The following GLRA3 variants were observed in gnomAD, a reference collection of about 807,000 sequenced individuals.
GLRA3 encodes the protein glycine receptor alpha 3.
In GLRA3, 44 loss-of-function variants were observed where a neutral mutation model predicts 60.4. The observed-to-expected ratio is 0.73, with a 90% CI of 0.57 to 0.94. GLRA3 has a LOEUF of 0.94. Ranked by LOEUF, GLRA3 falls within the 40% of genes least tolerant of loss-of-function variation. The pLI is 0.00. For synonymous variants in GLRA3, 223 were observed against 192.9 expected (o/e 1.16, Z -1.29); for missense variants, 508 against 564.6 (o/e 0.90, Z 1.02).
intron 5 of GLRA3, among the ~76,000 whole-genome samples, chr4:174,684,610 G>A (rs1361805284): frequency 6.6e-6 from 1 of 152,210 alleles, no homozygotes; most frequent in Non-Finnish European, 1.5e-5. Context: ...GACCTGTGAG[G>A]CAGAATTGTT....
intron 1 of GLRA3, among the ~76,000 whole-genome samples, chr4:174,814,827 T>G (rs1385700702): frequency 6.6e-6 from 1 of 152,192 alleles, no homozygotes; most frequent in African/African-American, 2.4e-5. Flanking sequence ...AGATGTGATT[T>G]GGGTGGGGAC....
chr4:174,649,862 T>A (rs1189759275), intron 9 of GLRA3, among the ~76,000 whole-genome samples: 4 of 152,128 alleles, frequency 2.6e-5, no homozygotes, highest in African/African-American at 9.7e-5. Context: ...ACACAGCATG[T>A]CTTCATGTGA....
Position 174,643,920 on chromosome 4 carries a change from A to T in GLRA3, c.1261T>A (p.Phe421Ile), listed in dbSNP as rs758247302. Reference protein sequence around the residue: ...PKSPDEMRKVFIDRAKKIDTI... With the variant: ...PKSPDEMRKVIIDRAKKIDTI... Reference sequence around the variant, plus strand: ...TCAATCTTCTTGGCCCGGTCGATAAAGACCTTCCTCATTTCATCAGGACTT... The same window carrying T: ...TCAATCTTCTTGGCCCGGTCGATAATGACCTTCCTCATTTCATCAGGACTT... The change falls in exon 10 of 10, where the codon TTT becomes ATT. Residue 421 changes from phenylalanine (F) to isoleucine (I), a missense_variant. Physicochemically the swap from Phe to Ile is conservative, Grantham distance 21. This residue lies in a region of GLRA3 where 176 missense variants were observed against 197.9 expected (regional missense o/e 0.89). Transcript: ENST00000274093. The T allele has an allele frequency of 6.2e-7, 1 of 1,614,136 alleles. No homozygotes were observed.
At chr4:174,720,941 G>A (rs1029018610) in intron 4 of GLRA3, among the ~76,000 whole-genome samples, 2 of 152,138 alleles carry the variant, frequency 1.3e-5, no homozygotes, top group Non-Finnish European at 2.9e-5. Flanking sequence ...AGCCAGAACT[G>A]GGTGTAAGGA....
chr4:174,760,750 C>T (rs947622451), intron 3 of GLRA3, among the ~76,000 whole-genome samples: 3 of 152,174 alleles, frequency 2.0e-5, no homozygotes, highest in Non-Finnish European at 2.9e-5. Flanking sequence ...GAACTCCTGA[C>T]CTCAGGTGAT....
chr4:174,786,289 T>C lies in GLRA3; in HGVS notation c.199+2527A>G, dbSNP rs74429641. Among the ~76,000 whole-genome samples, 139 of 152,208 alleles carry C rather than the reference T, an allele frequency of 9.1e-4. 2 individuals are homozygous for C. The East Asian group carries it at 0.024, about 26-fold the overall frequency. The stretch of plus-strand genomic sequence containing the variant: ...ACAAAATCAACAAGGCAAGGGATTG[T>C]ATTTTTAGTCATGTGAACTACCACA... On this transcript the variant is annotated intron_variant, in intron 2 of 9. Transcript: ENST00000274093.
chr4:174,813,320 T>C (rs1456778538), intron 1 of GLRA3, among the ~76,000 whole-genome samples: 1 of 152,234 alleles, frequency 6.6e-6, no homozygotes, highest in Non-Finnish European at 1.5e-5. Flanking sequence ...AATTAGGTGA[T>C]GTGGGTCCTA....
intron 3 of GLRA3, among the ~76,000 whole-genome samples, chr4:174,741,422 G>A (rs965922893): frequency 3.3e-5 from 5 of 152,078 alleles, no homozygotes; most frequent in Non-Finnish European, 7.4e-5. Context: ...CTCATTAAAA[G>A]TATTGTTTTT....
At chr4:174,739,681 T>A (rs747342109) in intron 3 of GLRA3, among the ~76,000 whole-genome samples, 1 of 152,136 alleles carries the variant, frequency 6.6e-6, no homozygotes, top group Non-Finnish European at 1.5e-5. Context: ...CAGGGACAGT[T>A]CAAAATGCAA....
At chr4:174,651,644 C>T (rs1300454131) in intron 9 of GLRA3, among the ~76,000 whole-genome samples, 10 of 152,062 alleles carry the variant, frequency 6.6e-5, no homozygotes, top group Admixed American at 6.6e-4. Context: ...TCCAGGTGGC[C>T]TTGCATTTGA....
At chr4:174,727,189 GA>G (rs1188646584) in intron 4 of GLRA3, among the ~76,000 whole-genome samples, 1 of 152,176 alleles carries the variant, frequency 6.6e-6, no homozygotes, top group Non-Finnish European at 1.5e-5. Flanking sequence ...ATGCAGAGAT[GA>G]AGAGCAGACA....
intron 1 of GLRA3, among the ~76,000 whole-genome samples, chr4:174,825,221 T>C (rs530170347): frequency 1.3e-5 from 2 of 152,220 alleles, no homozygotes; most frequent in South Asian, 4.1e-4. Context: ...TAAATCATAA[T>C]AATAGTAAAA....
At chr4:174,802,256 A>ATT (rs939287653) in intron 1 of GLRA3, among the ~76,000 whole-genome samples, 1 of 151,954 alleles carries the variant, frequency 6.6e-6, no homozygotes, top group African/African-American at 2.4e-5. Flanking sequence ...TGATGTTTAC[A>ATT]TTTTTTTGAA....
At chr4:174,799,903 T>A (rs1478060469) in intron 1 of GLRA3, among the ~76,000 whole-genome samples, 1 of 152,012 alleles carries the variant, frequency 6.6e-6, no homozygotes, top group Non-Finnish European at 1.5e-5. Flanking sequence ...TCAAGACAAA[T>A]GTGAAATAGA....
At chr4:174,658,972 C>G (rs954186944) in intron 8 of GLRA3, 82 bp downstream of exon 8, 2 of 1,242,792 alleles carry the variant, frequency 1.6e-6, no homozygotes, top group Admixed American at 4.2e-5. Flanking sequence ...AATTGCTTCT[C>G]TTTTCATCTC....
intron 3 of GLRA3, among the ~76,000 whole-genome samples, chr4:174,762,828 G>A (rs1737989536): frequency 1.3e-5 from 2 of 152,182 alleles, no homozygotes; most frequent in Middle Eastern, 3.4e-3. Context: ...CTACTACCCA[G>A]ATCAAAAAAT....
chr4:174,796,091 T>C lies in GLRA3; in HGVS notation c.72-7148A>G, dbSNP rs188620926. Among the ~76,000 whole-genome samples, 193 of 152,262 alleles carry C rather than the reference T, an allele frequency of 1.3e-3. 1 individual carries two copies. The highest frequency in any genetic ancestry group is 2.0e-3 in the Non-Finnish European group (137 of 68,020). On this transcript the variant is annotated intron_variant, in intron 1 of 9. Transcript: ENST00000274093. ...AAAATTCTAAACCCTAAGTTGATGGTAATAGGAGTGGGGACCTTTGGGAGG... is the reference window on the plus strand; with the variant it reads ...AAAATTCTAAACCCTAAGTTGATGGCAATAGGAGTGGGGACCTTTGGGAGG...
chr4:174,772,210 T>C (rs1197687008), intron 2 of GLRA3, among the ~76,000 whole-genome samples: 1 of 152,180 alleles, frequency 6.6e-6, no homozygotes, highest in Admixed American at 6.5e-5. Context: ...CTTTCACTAA[T>C]AGGTGGGATC....
chr4:174,715,452 T>TAA lies in GLRA3; in HGVS notation c.574+34_574+35dup, dbSNP rs764964097. On this transcript the variant is annotated intron_variant, in intron 5 of 9. Transcript: ENST00000274093. ...TTAAAAGCTTGTATCTACTATAATG[T>TAA]AAAAGTATTTTAAAAAGTAAGTGGT... 7.3e-6 allele frequency: 7 copies of TAA among 962,554 alleles called. No homozygotes were observed. The East Asian group carries it at 9.6e-5, about 13-fold the overall frequency. The allele number at this position is 962,554 out of a possible 1,614,324, so 59.6% of individuals were successfully genotyped here.
Sources: gnomAD v4.1 joint callset for allele counts (sites outside exome capture counted in the v4.1 genomes callset) on GRCh38, gnomAD v4.1.1 for gene constraint, gnomAD v4.1.1 regional missense constraint, MANE v1.5 for transcripts, NCBI Gene and HGNC (gene_info 2026-07-23, HGNC 2026-07-21) for gene names.